Variants in SH3BGRL observed in about 807,000 individuals in gnomAD.
The protein encoded by SH3BGRL is adapter SH3BGRL.
In SH3BGRL, 7 loss-of-function variants were observed where a neutral mutation model predicts 9.8. The observed-to-expected ratio is 0.72, with a 90% CI of 0.41 to 1.35. SH3BGRL has a LOEUF of 1.35. Among genes scored for constraint, SH3BGRL ranks in the 40% most tolerant of loss-of-function variants. SH3BGRL has a pLI of 0.01. For missense variants in SH3BGRL, 73 were observed against 84.4 expected, an observed-to-expected ratio of 0.86 and a Z score of 0.53; for synonymous variants, 36 against 29.1, an observed-to-expected ratio of 1.24 and a Z score of -0.76.
rs2075827439 is a variant in SH3BGRL at position 81,284,288 on chromosome X, C to T, written c.312+5877C>T. Among the ~76,000 whole-genome samples the T allele has an allele frequency of 3.6e-5, 4 of 110,397 alleles. No homozygotes were observed. The Admixed American group carries it at 3.9e-4, about 11-fold the overall frequency. On this transcript the variant is annotated intron_variant, in intron 3 of 3. Transcript: ENST00000373212. ...CAATTCCCATTAAAATACCACTATCCTTCTTCATAGAAAAAAATCCTAAAA... is the reference window on the plus strand; with the variant it reads ...CAATTCCCATTAAAATACCACTATCTTTCTTCATAGAAAAAAATCCTAAAA...
chrX:81,228,019 A>G (rs139521284), intron 1 of SH3BGRL, among the ~76,000 whole-genome samples: 237 of 112,425 alleles, frequency 2.1e-3, no homozygotes, highest in African/African-American at 7.2e-3. Context: ...GTAAGTATGT[A>G]TAGTCCTTTT....
chrX:81,248,677 C>A (rs1214431665), intron 1 of SH3BGRL, among the ~76,000 whole-genome samples: 1 of 112,382 alleles, frequency 8.9e-6, no homozygotes. Context: ...ACATGACTGG[C>A]TTTTATGCAC....
rs758441741 is a variant in SH3BGRL at position 81,202,174 on chromosome X, C to G, written c.-27C>G. On this transcript the variant is annotated 5_prime_UTR_variant, in exon 1 of 4. Coordinates refer to ENST00000373212, the MANE Select transcript of SH3BGRL (RefSeq NM_003022.3). ...CTGCTCCACAGCCCTTTTCAGGACC[C>G]AAACAACCGCAGCCGCTGTTCCCAG... 152 of 1,203,581 alleles carry G rather than the reference C, an allele frequency of 1.3e-4. No individual in the cohort carries two copies. Among genetic ancestry groups the G allele is most frequent in the Non-Finnish European group, 1.6e-4 (147 of 891,175 alleles).
chrX:81,203,000 A>C (rs1346881736), intron 1 of SH3BGRL, among the ~76,000 whole-genome samples: 1 of 111,853 alleles, frequency 8.9e-6, no homozygotes, highest in Non-Finnish European at 1.9e-5. Context: ...CTTCTTGTGT[A>C]GTGGCAGCCT....
rs774302839 is a variant in SH3BGRL at position 81,274,441 on chromosome X, T to C, written c.46-2543T>C. Among the ~76,000 whole-genome samples, 75 of 110,182 alleles carry C rather than the reference T, an allele frequency of 6.8e-4. 1 individual carries two copies. The highest frequency in any genetic ancestry group is 1.2e-3 in the Non-Finnish European group (65 of 52,740). The stretch of plus-strand genomic sequence containing the variant: ...GCCTGACCAACATGGTGAAACCCCG[T>C]CTCTACTAAAAATACAAAAATTAGC... On this transcript the variant is annotated intron_variant, in intron 1 of 3. Transcript: ENST00000373212.
intron 1 of SH3BGRL, among the ~76,000 whole-genome samples, chrX:81,241,182 A>T (rs1476819410): frequency 8.9e-6 from 1 of 111,867 alleles, no homozygotes; most frequent in Non-Finnish European, 1.9e-5. Flanking sequence ...GACACAGCAG[A>T]CCCTGCTGCC....
At chrX:81,244,221 A>T (rs1327146327) in intron 1 of SH3BGRL, among the ~76,000 whole-genome samples, 2 of 111,702 alleles carry the variant, frequency 1.8e-5, no homozygotes, top group African/African-American at 3.3e-5. Context: ...TCCAAGAAAA[A>T]GGAGTGCTGG....
At chrX:81,284,848 C>T (rs1195601489) in intron 3 of SH3BGRL, among the ~76,000 whole-genome samples, 1 of 110,384 alleles carries the variant, frequency 9.1e-6, no homozygotes, top group Non-Finnish European at 1.9e-5. Flanking sequence ...TAAGCAGGGC[C>T]CAGCAGTAGT....
chrX:81,266,044 T>C (rs909081144), intron 1 of SH3BGRL, among the ~76,000 whole-genome samples: 2 of 112,226 alleles, frequency 1.8e-5, no homozygotes, highest in Admixed American at 1.9e-4. Flanking sequence ...TTGATGCAGT[T>C]GTTTGCTTTT....
intron 1 of SH3BGRL, among the ~76,000 whole-genome samples, chrX:81,225,152 T>G (rs1450341559): frequency 9.0e-6 from 1 of 111,503 alleles, no homozygotes; most frequent in African/African-American, 3.3e-5. Context: ...ATTTTATTTT[T>G]TTTTAACCAG....
At position 81,220,557 on chromosome X, in the gene SH3BGRL, A is replaced by G. The variant is rs1056644403; in HGVS notation, c.45+18312A>G. On this transcript the variant is annotated intron_variant, in intron 1 of 3. Coordinates refer to ENST00000373212, the MANE Select transcript of SH3BGRL (RefSeq NM_003022.3). The stretch of plus-strand genomic sequence containing the variant: ...TTGTCCATTCTTTACATCTTTTCAA[A>G]AAACCCACTTTTTGTTTCATTGATC... Among the ~76,000 whole-genome samples, 4 of 109,261 alleles carry G rather than the reference A, an allele frequency of 3.7e-5. No individual in the cohort carries two copies. In the Admixed American group the frequency reaches 3.9e-4, roughly 11 times the overall value. 94.9% of individuals were successfully genotyped at this position (109,261 alleles called of 115,157 possible).
chrX:81,202,566 A>G, intron 1 of SH3BGRL: 1 of 839,762 alleles, frequency 1.2e-6, no homozygotes, highest in South Asian at 5.2e-5. Flanking sequence ...GTCAAGTAAA[A>G]TCGCACACTG....
intron 1 of SH3BGRL, among the ~76,000 whole-genome samples, chrX:81,206,491 T>C (rs1349615057): frequency 9.0e-6 from 1 of 111,467 alleles, no homozygotes. Flanking sequence ...TGGTAAGCCA[T>C]AGAGCTTGAA....
In SH3BGRL at chrX:81,202,209, C is replaced by A. The variant is rs1177037791; in HGVS notation, c.9C>A (p.Ile3=). The A allele has an allele frequency of 2.5e-6, 3 of 1,207,001 alleles. No homozygotes were observed. Among genetic ancestry groups the A allele is most frequent in the Non-Finnish European group, 2.2e-6 (2 of 893,809 alleles). Residue 3 remains isoleucine (I), a synonymous_variant, in exon 1 of 4, where the codon ATC becomes ATA. Transcript: ENST00000373212. ...CAGCCGCTGTTCCCAGGATGGTGAT[C>A]CGTGTATATATTGCATCTTCCTCTG... The part of the protein sequence containing the change: MV[I]RVYIASSSGS...
rs763109715 is a variant in SH3BGRL at position 81,205,665 on chromosome X, C to T, written c.45+3420C>T. ...GATATCCTTTCTTTTGGATATATAC[C>T]CAAAAGTGAGATTGCTAAATCATGT... On this transcript the variant is annotated intron_variant, in intron 1 of 3. Coordinates refer to ENST00000373212, the MANE Select transcript of SH3BGRL (RefSeq NM_003022.3). Among the ~76,000 whole-genome samples, 61 of 108,541 alleles carry T rather than the reference C, an allele frequency of 5.6e-4. 1 individual carries two copies. The highest frequency in any genetic ancestry group is 1.1e-3 in the Non-Finnish European group (57 of 52,300). 94.3% of individuals were successfully genotyped at this position (108,541 alleles called of 115,157 possible). A position where few individuals can be genotyped will look rare whatever the true frequency, so the allele number is the denominator to read the frequency against.
At chrX:81,282,876 AC>A (rs1352490429) in intron 3 of SH3BGRL, among the ~76,000 whole-genome samples, 1 of 112,325 alleles carries the variant, frequency 8.9e-6, no homozygotes, top group Non-Finnish European at 1.9e-5. Flanking sequence ...ATAAAATGAA[AC>A]AAAAAGCTGG....
chrX:81,291,691 C>T (rs369672771), intron 3 of SH3BGRL, among the ~76,000 whole-genome samples: 11 of 111,734 alleles, frequency 9.8e-5, no homozygotes, highest in East Asian at 8.5e-4. Flanking sequence ...GAGGCAAGTC[C>T]ATTTTTCCTA....
At chrX:81,205,044 G>A (rs912211001) in intron 1 of SH3BGRL, among the ~76,000 whole-genome samples, 5 of 112,022 alleles carry the variant, frequency 4.5e-5, no homozygotes, top group East Asian at 5.6e-4. Flanking sequence ...ATCCGTTACC[G>A]CAAACATTTA....
intron 1 of SH3BGRL, among the ~76,000 whole-genome samples, chrX:81,212,409 C>A (rs2075567988): frequency 1.8e-5 from 2 of 110,441 alleles, no homozygotes; most frequent in Admixed American, 1.9e-4. Flanking sequence ...AAAGTAAGGA[C>A]AATTTTATAC....
Sources: gnomAD v4.1 joint callset for allele counts (sites outside exome capture counted in the v4.1 genomes callset) on GRCh38, gnomAD v4.1.1 for gene constraint, MANE v1.5 for transcripts, NCBI Gene and HGNC (gene_info 2026-07-23, HGNC 2026-07-21) for gene names.